The following HS2ST1 variants were observed in gnomAD, a reference collection of about 807,000 sequenced individuals.
The protein encoded by HS2ST1 is heparan sulfate 2-O-sulfotransferase 1, also known as 2-O-sulfotransferase.
In HS2ST1, 18 loss-of-function variants were observed where a neutral mutation model predicts 42.9. The ratio of observed to expected loss-of-function variants is 0.42; its 90% CI spans 0.29 to 0.62. The LOEUF is 0.62. Ranked by LOEUF, HS2ST1 falls within the 20% of genes least tolerant of loss-of-function variation. HS2ST1 has a pLI of 0.21. For missense variants in HS2ST1, 334 were observed against 433.8 expected, an observed-to-expected ratio of 0.77 and a Z score of 2.04; for synonymous variants, 146 against 152.9, an observed-to-expected ratio of 0.95 and a Z score of 0.33.
intron 1 of HS2ST1, among the ~76,000 whole-genome samples, chr1:86,999,019 A>C (rs151135147): frequency 1.3e-5 from 2 of 150,240 alleles, no homozygotes; most frequent in African/African-American, 4.9e-5. Flanking sequence ...CTTATTTACT[A>C]GTGCTTATAC....
intron 1 of HS2ST1, among the ~76,000 whole-genome samples, chr1:87,050,403 A>G (rs1278334051): frequency 6.6e-6 from 1 of 151,970 alleles, no homozygotes; most frequent in African/African-American, 2.4e-5. Flanking sequence ...TTTCTAGGTT[A>G]TCTTAGGCCA....
intron 1 of HS2ST1, among the ~76,000 whole-genome samples, chr1:86,976,328 T>G (rs1390192498): frequency 6.6e-6 from 1 of 152,184 alleles, no homozygotes; most frequent in Non-Finnish European, 1.5e-5. Context: ...TTTCATCTTT[T>G]TATCTGCCAT....
At chr1:87,104,411 T>A in intron 6 of HS2ST1, 59 bp from the exon 7 acceptor site, 1 of 1,059,440 alleles carries the variant, frequency 9.4e-7, no homozygotes, top group Non-Finnish European at 1.4e-6. Context: ...GAGGCATTGA[T>A]CTTTTGTGTG....
At chr1:86,993,163 A>G (rs1403542249) in intron 1 of HS2ST1, 1 of 1,586,512 alleles carries the variant, frequency 6.3e-7, no homozygotes, top group South Asian at 1.2e-5. Flanking sequence ...CTAAACCCTC[A>G]TCAACTGACT....
intron 1 of HS2ST1, among the ~76,000 whole-genome samples, chr1:87,059,517 TTAA>T (rs1373813874): frequency 6.6e-6 from 1 of 152,216 alleles, no homozygotes; most frequent in Non-Finnish European, 1.5e-5. Context: ...GATTAATGTC[TTAA>T]TAAAGCTCAA....
At chr1:87,102,141 C>G (rs1397101365) in intron 5 of HS2ST1, among the ~76,000 whole-genome samples, 1 of 151,278 alleles carries the variant, frequency 6.6e-6, no homozygotes, top group African/African-American at 2.4e-5. Context: ...CACCGCAAAC[C>G]TCCACCTCCC....
chr1:86,961,174 T>C (rs1476990626), intron 1 of HS2ST1, among the ~76,000 whole-genome samples: 2 of 151,326 alleles, frequency 1.3e-5, no homozygotes, highest in African/African-American at 4.9e-5. Context: ...AGATTGAGGT[T>C]ACAGTGAGCT....
intron 1 of HS2ST1, among the ~76,000 whole-genome samples, chr1:87,067,361 A>G (rs1651280232): frequency 6.6e-6 from 1 of 152,122 alleles, no homozygotes; most frequent in Non-Finnish European, 1.5e-5. Context: ...TTGGCTGCAT[A>G]AATGTCTTCT....
chr1:87,096,428 A>G (rs1385355880), intron 4 of HS2ST1, among the ~76,000 whole-genome samples: 1 of 152,212 alleles, frequency 6.6e-6, no homozygotes, highest in Non-Finnish European at 1.5e-5. Context: ...ACTCATATAC[A>G]TTAATATCAC....
chr1:86,985,553 T>C (rs1006984323), intron 1 of HS2ST1, among the ~76,000 whole-genome samples: 121 of 37,402 alleles, frequency 3.2e-3, no homozygotes, highest in East Asian at 0.021. Flanking sequence ...CACATATATA[T>C]ACACACACAC....
At chr1:87,054,809 A>G (rs567848167) in intron 1 of HS2ST1, among the ~76,000 whole-genome samples, 30 of 152,228 alleles carry the variant, frequency 2.0e-4, no homozygotes, top group Non-Finnish European at 3.8e-4. Flanking sequence ...GGAAAGGAGC[A>G]TAATTCCTTG....
intron 1 of HS2ST1, among the ~76,000 whole-genome samples, chr1:86,978,096 C>G (rs1648473798): frequency 6.6e-6 from 1 of 152,128 alleles, no homozygotes; most frequent in Admixed American, 6.5e-5. Context: ...AAATTTAGTA[C>G]AGTAACATGC....
intron 1 of HS2ST1, among the ~76,000 whole-genome samples, chr1:86,988,967 G>A (rs1171759427): frequency 1.3e-5 from 2 of 152,188 alleles, no homozygotes; most frequent in African/African-American, 4.8e-5. Context: ...TTCCTATAAC[G>A]AGACTGATCA....
chr1:87,098,110 T>A, intron 5 of HS2ST1, 175 bp downstream of exon 5: 1 of 1,381,502 alleles, frequency 7.2e-7, no homozygotes, highest in Non-Finnish European at 9.4e-7. Flanking sequence ...AAAAGATTCC[T>A]CATGTAGAGT....
At chr1:86,970,002 G>C (rs1648181716) in intron 1 of HS2ST1, among the ~76,000 whole-genome samples, 1 of 151,970 alleles carries the variant, frequency 6.6e-6, no homozygotes, top group Admixed American at 6.6e-5. Context: ...GCACATGCCT[G>C]TAATCCCAGC....
At chr1:87,083,705 T>G (rs1651746018) in intron 2 of HS2ST1, among the ~76,000 whole-genome samples, 1 of 152,222 alleles carries the variant, frequency 6.6e-6, no homozygotes, top group Non-Finnish European at 1.5e-5. Flanking sequence ...TTAAATATCT[T>G]CTGATAACCA....
chr1:87,098,054 T>C lies in HS2ST1; in HGVS notation c.686+119T>C, dbSNP rs1026170898. On this transcript the variant is annotated intron_variant, in intron 5 of 6. Transcript: ENST00000370550. ...GTGAAAGACTAGACTAAAAATAACA[T>C]GTAATTCAGTAATATCTAGTTTTGC... 10 of 1,487,364 alleles carry C rather than the reference T, an allele frequency of 6.7e-6. No individual in the cohort carries two copies. In the African/African-American group the frequency reaches 1.1e-4, roughly 17 times the overall value. 92.1% of individuals were successfully genotyped at this position (1,487,364 alleles called of 1,614,324 possible). A position where few individuals can be genotyped will look rare whatever the true frequency, so the allele number is the denominator to read the frequency against.
chr1:86,932,650 A>G (rs1660567935), intron 1 of HS2ST1, among the ~76,000 whole-genome samples: 1 of 152,138 alleles, frequency 6.6e-6, no homozygotes, highest in Admixed American at 6.6e-5. Context: ...AGCATTAGTA[A>G]TAGGAAGCAA....
intron 1 of HS2ST1, among the ~76,000 whole-genome samples, chr1:86,990,085 T>C (rs1034475667): frequency 2.6e-5 from 4 of 152,120 alleles, no homozygotes; most frequent in African/African-American, 9.7e-5. Context: ...ATATACCCAG[T>C]AATGGGATTG....
Sources: allele counts gnomAD v4.1 joint callset (sites outside exome capture counted in the v4.1 genomes callset), GRCh38; gene constraint gnomAD v4.1.1; transcripts MANE v1.5; gene names NCBI Gene and HGNC (gene_info 2026-07-23, HGNC 2026-07-21).